ELP4: variants seen among roughly 807,000 people sequenced by gnomAD.
The protein encoded by ELP4 is elongator acetyltransferase complex subunit 4.
In ELP4, 51 loss-of-function variants were observed where a neutral mutation model predicts 48.9. The ratio of observed to expected loss-of-function variants is 1.04; its 90% CI spans 0.83 to 1.32. ELP4 has a LOEUF of 1.32. Ranked by LOEUF, ELP4 falls within the 40% of genes most tolerant of loss-of-function variation. The pLI is 0.00. For missense variants in ELP4, 519 were observed against 514.6 expected (o/e 1.01, Z -0.08); for synonymous variants, 210 against 189.2 (o/e 1.11, Z -0.90).
chr11:31,593,714 A>G (rs1254274511), intron 3 of ELP4, among the ~76,000 whole-genome samples: 1 of 152,184 alleles, frequency 6.6e-6, no homozygotes, highest in East Asian at 1.9e-4. Context: ...TACTCTCACA[A>G]ATACGTATTT....
chr11:31,721,143 G>T (rs182824293), intron 9 of ELP4, among the ~76,000 whole-genome samples: 7 of 152,234 alleles, frequency 4.6e-5, no homozygotes, highest in Admixed American at 6.5e-5. Flanking sequence ...CAGTTTTTTT[G>T]ATTGTGTGGT....
chr11:31,534,367 A>G (rs1236983930), intron 2 of ELP4, among the ~76,000 whole-genome samples: 1 of 151,996 alleles, frequency 6.6e-6, no homozygotes, highest in Non-Finnish European at 1.5e-5. Context: ...AGAGGGCCAC[A>G]TTTGGTGCAA....
intron 9 of ELP4, among the ~76,000 whole-genome samples, chr11:31,677,064 C>CAA (rs1162996833): frequency 2.6e-5 from 4 of 152,140 alleles, no homozygotes; most frequent in African/African-American, 7.2e-5. Context: ...AGGCTTAGCT[C>CAA]ATTCAATTAG....
At chr11:31,646,342 C>T (rs1361939690) in intron 7 of ELP4, 1 of 151,712 alleles carries the variant, frequency 6.6e-6, no homozygotes, top group Non-Finnish European at 1.5e-5. Context: ...CTGAAACATT[C>T]TTTATATAAC....
intron 9 of ELP4, among the ~76,000 whole-genome samples, chr11:31,668,170 T>C (rs1005775103): frequency 1.3e-5 from 2 of 152,214 alleles, no homozygotes; most frequent in African/African-American, 2.4e-5. Context: ...ATTAAAATGA[T>C]GTTTTGTATA....
intron 3 of ELP4, among the ~76,000 whole-genome samples, chr11:31,562,846 T>C (rs984008030): frequency 2.0e-5 from 3 of 152,124 alleles, no homozygotes; most frequent in Non-Finnish European, 4.4e-5. Context: ...ATGACATTTT[T>C]TAAATGCTTC....
chr11:31,645,059 G>A (rs1945173938), intron 7 of ELP4, among the ~76,000 whole-genome samples: 1 of 151,668 alleles, frequency 6.6e-6, no homozygotes, highest in African/African-American at 2.4e-5. Flanking sequence ...TAAGATCACT[G>A]TGAAACTATA....
intron 5 of ELP4, among the ~76,000 whole-genome samples, chr11:31,613,162 G>A (rs973126600): frequency 6.6e-6 from 1 of 152,156 alleles, no homozygotes; most frequent in African/African-American, 2.4e-5. Context: ...GAGATCAGGG[G>A]TGGTTACTGG....
At chr11:31,756,323 G>T (rs536040967) in intron 9 of ELP4, among the ~76,000 whole-genome samples, 5 of 152,166 alleles carry the variant, frequency 3.3e-5, no homozygotes, top group South Asian at 2.1e-4. Context: ...CAGAATGGAA[G>T]CCCTACAGAT....
At chr11:31,610,327 GTTTGTTTTGT>G (rs71463322) in intron 5 of ELP4, among the ~76,000 whole-genome samples, 2 of 151,012 alleles carry the variant, frequency 1.3e-5, no homozygotes, top group Non-Finnish European at 3.0e-5. Flanking sequence ...CTCATTTTTT[GTTTGTTTTGT>G]TTTGTTTTGT....
chr11:31,586,991 C>A (rs1957487240), intron 3 of ELP4, among the ~76,000 whole-genome samples: 1 of 152,112 alleles, frequency 6.6e-6, no homozygotes, highest in Non-Finnish European at 1.5e-5. Context: ...AAAAAATAAT[C>A]AAAAATATAA....
intron 5 of ELP4, among the ~76,000 whole-genome samples, chr11:31,620,430 G>C (rs1414257883): frequency 6.6e-6 from 1 of 151,964 alleles, no homozygotes. Context: ...GTACTAGGTG[G>C]AAAGAAAGTA....
At chr11:31,765,942 C>T (rs945179669) in intron 9 of ELP4, among the ~76,000 whole-genome samples, 1 of 151,970 alleles carries the variant, frequency 6.6e-6, no homozygotes, top group Admixed American at 6.6e-5. Context: ...TAATAAAAGA[C>T]TTATTTCTCT....
chr11:31,604,283 C>A, intron 5 of ELP4, among the ~76,000 whole-genome samples: 1 of 151,900 alleles, frequency 6.6e-6, no homozygotes, highest in Non-Finnish European at 1.5e-5. Flanking sequence ...GAAAATGATA[C>A]AAACTAGTGT....
Position 31,789,588 on chromosome 11 carries a change from A to C in ELP4, c.*6064A>C. 1 of 606,818 alleles carries C rather than the reference A, an allele frequency of 1.6e-6. No homozygotes were observed. Among genetic ancestry groups the C allele is most frequent in the Non-Finnish European group, 2.9e-6 (1 of 344,494 alleles). The allele number at this position is 606,818 out of a possible 1,614,324, so 37.6% of individuals were successfully genotyped here. A position where few individuals can be genotyped will look rare whatever the true frequency, so the allele number is the denominator to read the frequency against. On this transcript the variant is annotated 3_prime_UTR_variant, in exon 10 of 10. Transcript: ENST00000640961. ...CATGGTTTTCTTTTTAAAAAAAAAA[A>C]AAACAACTTCATGACCAACACAGAT...
At chr11:31,725,838 C>A (rs1947064250) in intron 9 of ELP4, among the ~76,000 whole-genome samples, 1 of 152,130 alleles carries the variant, frequency 6.6e-6, no homozygotes, top group Admixed American at 6.5e-5. Context: ...CTATTGTTGC[C>A]AGGGATGGGT....
At chr11:31,586,098 T>C (rs1412661155) in intron 3 of ELP4, among the ~76,000 whole-genome samples, 1 of 152,216 alleles carries the variant, frequency 6.6e-6, no homozygotes, top group Non-Finnish European at 1.5e-5. Context: ...AGATAGTGGC[T>C]ACTGTATTGG....
chr11:31,515,025 G>A (rs1329395305), intron 1 of ELP4, among the ~76,000 whole-genome samples: 14 of 137,882 alleles, frequency 1.0e-4, no homozygotes, highest in African/African-American at 3.9e-4. Context: ...GTGTGTGTGT[G>A]TGTGTGTGTA....
intron 9 of ELP4, among the ~76,000 whole-genome samples, chr11:31,740,010 A>G (rs1368734216): frequency 6.6e-6 from 1 of 152,258 alleles, no homozygotes; most frequent in African/African-American, 2.4e-5. Flanking sequence ...CTGAAGCTTT[A>G]AATCAGCAAA....
Sources: allele counts gnomAD v4.1 joint callset (sites outside exome capture counted in the v4.1 genomes callset), GRCh38; gene constraint gnomAD v4.1.1; transcripts MANE v1.5; gene names NCBI Gene and HGNC (gene_info 2026-07-23, HGNC 2026-07-21).